The following PDE1C variants were observed in gnomAD, a reference collection of about 807,000 sequenced individuals.
PDE1C encodes the protein phosphodiesterase 1C.
A neutral mutation model predicts 93.1 loss-of-function variants in PDE1C; 62 were observed. The observed-to-expected ratio is 0.67, with a 90% CI of 0.54 to 0.82. The LOEUF (loss-of-function observed/expected upper bound fraction) is 0.82. Ranked by LOEUF, PDE1C falls within the 40% of genes least tolerant of loss-of-function variation. The pLI, the probability that PDE1C is intolerant of heterozygous loss-of-function variation, is 0.00. For synonymous variants in PDE1C, 325 were observed against 310.1 expected, an observed-to-expected ratio of 1.05 and a Z score of -0.50; for missense variants, 742 against 884.6, an observed-to-expected ratio of 0.84 and a Z score of 2.04.
At chr7:31,895,703 G>A (rs1443835308) in intron 2 of PDE1C, among the ~76,000 whole-genome samples, 3 of 151,578 alleles carry the variant, frequency 2.0e-5, no homozygotes, top group Admixed American at 6.6e-5. Flanking sequence ...GAGGGACCTC[G>A]CAAGAGGTAA....
intron 7 of PDE1C, among the ~76,000 whole-genome samples, chr7:31,863,543 T>G (rs1230587807): frequency 6.6e-6 from 1 of 152,224 alleles, no homozygotes; most frequent in Non-Finnish European, 1.5e-5. Flanking sequence ...AAATCTTTTA[T>G]TGAGTTAAAA....
intron 16 of PDE1C, among the ~76,000 whole-genome samples, chr7:31,776,176 G>A (rs554014827): frequency 1.3e-5 from 2 of 152,270 alleles, no homozygotes; most frequent in East Asian, 3.9e-4. Context: ...TGAGGGAATC[G>A]GGGGTTTTGT....
At chr7:32,421,971 C>T (rs1279538634) in intron 1 of PDE1C, among the ~76,000 whole-genome samples, 1 of 152,086 alleles carries the variant, frequency 6.6e-6, no homozygotes, top group East Asian at 1.9e-4. Context: ...CCAGTAACCG[C>T]CAGGAAAGAG....
chr7:31,680,723 G>T, the PDE1C span, among the ~76,000 whole-genome samples: 1 of 151,930 alleles, frequency 6.6e-6, no homozygotes, highest in South Asian at 2.1e-4. Flanking sequence ...GGACCTCATG[G>T]TCTGAGTCTC....
Position 31,976,749 on chromosome 7 carries a change from T to C in PDE1C, c.128+74805A>G, listed in dbSNP as rs141503759. On this transcript the variant is annotated intron_variant, in intron 2 of 17. Transcript: ENST00000396191. ...GCCCTTTAAAACATATATCGAATTA[T>C]ATCATGTGCCAAATCAACATGTTTC... Among the ~76,000 whole-genome samples the C allele has an allele frequency of 4.1e-3, 628 of 152,288 alleles. 3 individuals carry two copies. The highest frequency in any genetic ancestry group is 0.014 in the African/African-American group (583 of 41,546).
chr7:31,779,937 C>G (rs1442707642), intron 16 of PDE1C, among the ~76,000 whole-genome samples: 2 of 152,202 alleles, frequency 1.3e-5, no homozygotes, highest in East Asian at 3.9e-4. Context: ...CAGGTGGGAA[C>G]AGCCAGTCCT....
intron 9 of PDE1C, among the ~76,000 whole-genome samples, chr7:31,839,316 T>A (rs1030370902): frequency 1.1e-4 from 16 of 151,068 alleles, no homozygotes; most frequent in Admixed American, 3.3e-4. Flanking sequence ...ACATATTATT[T>A]TAAAATATAA....
intron 2 of PDE1C, among the ~76,000 whole-genome samples, chr7:31,964,603 G>C (rs1334312286): frequency 6.6e-6 from 1 of 152,220 alleles, no homozygotes; most frequent in Non-Finnish European, 1.5e-5. Flanking sequence ...GCTTTGAAGA[G>C]AGTAGTGGTT....
the PDE1C span, among the ~76,000 whole-genome samples, chr7:31,693,787 G>A: frequency 6.6e-6 from 1 of 152,156 alleles, no homozygotes. Flanking sequence ...AAGAAAGAGA[G>A]AAATTTACCT....
chr7:32,321,167 T>C (rs558886554), intron 1 of PDE1C, among the ~76,000 whole-genome samples: 1 of 152,286 alleles, frequency 6.6e-6, no homozygotes, highest in Admixed American at 6.5e-5. Flanking sequence ...TCAATAACTA[T>C]GCAGGTCCTT....
At chr7:31,775,934 C>A (rs140501653) in intron 16 of PDE1C, among the ~76,000 whole-genome samples, 1 of 152,090 alleles carries the variant, frequency 6.6e-6, no homozygotes, top group Non-Finnish European at 1.5e-5. Flanking sequence ...TGTGACAGTA[C>A]GCAGTTCCTC....
At position 31,940,960 on chromosome 7, in the gene PDE1C, C is replaced by T. The variant is rs546575214; in HGVS notation, c.129-60100G>A. 2.4e-4 allele frequency among the ~76,000 whole-genome samples: 36 copies of T among 152,066 alleles called. 1 individual carries two copies. In the South Asian group the frequency reaches 6.9e-3, roughly 29 times the overall value. On this transcript the variant is annotated intron_variant, in intron 2 of 17. Transcript: ENST00000396191. Reference sequence around the variant, plus strand: ...CCAAGTGTACACCTTCCAACTCACACCTCCACACACAAATAGGAAATCTAT... The same window carrying T: ...CCAAGTGTACACCTTCCAACTCACATCTCCACACACAAATAGGAAATCTAT...
intron 1 of PDE1C, among the ~76,000 whole-genome samples, chr7:32,221,712 C>T (rs1202296481): frequency 3.3e-5 from 5 of 150,120 alleles, no homozygotes; most frequent in Non-Finnish European, 7.4e-5. Flanking sequence ...ATTTAATGCT[C>T]AATTCTCTTG....
At chr7:31,735,493 A>T in the PDE1C span, among the ~76,000 whole-genome samples, 2 of 151,952 alleles carry the variant, frequency 1.3e-5, no homozygotes. Flanking sequence ...GCCTCATCAA[A>T]CCATACAGAA....
intron 2 of PDE1C, among the ~76,000 whole-genome samples, chr7:32,037,626 A>C (rs545235083): frequency 6.6e-6 from 1 of 152,300 alleles, no homozygotes; most frequent in East Asian, 1.9e-4. Context: ...GATGTAACTA[A>C]ATCTTTACAT....
chr7:31,908,356 T>G (rs1302809610), intron 2 of PDE1C, among the ~76,000 whole-genome samples: 1 of 152,160 alleles, frequency 6.6e-6, no homozygotes, highest in Non-Finnish European at 1.5e-5. Context: ...TTGAAGGTGG[T>G]GCCAAAGTTC....
Position 31,917,155 on chromosome 7 carries a change from A to G in PDE1C, c.129-36295T>C, listed in dbSNP as rs141496604. ...CACCCGCCTATAGGTAAATGGTCCC[A>G]ATCCTGACTCCATCCCAAATATCAC... On this transcript the variant is annotated intron_variant, in intron 2 of 17. Transcript: ENST00000396191. 2.6e-3 allele frequency among the ~76,000 whole-genome samples: 393 copies of G among 152,262 alleles called. 3 individuals carry two copies. Among genetic ancestry groups the G allele is most frequent in the African/African-American group, 8.9e-3 (368 of 41,570 alleles).
chr7:31,734,007 GAA>G, the PDE1C span, among the ~76,000 whole-genome samples: 28 of 150,726 alleles, frequency 1.9e-4, no homozygotes, highest in South Asian at 5.3e-3. Flanking sequence ...CTGTTTCAAA[GAA>G]AAAAAAAATG....
chr7:32,297,394 CTT>C (rs1812655776), intron 1 of PDE1C, among the ~76,000 whole-genome samples: 1 of 152,054 alleles, frequency 6.6e-6, no homozygotes, highest in Non-Finnish European at 1.5e-5. Context: ...TTTGGAAGTA[CTT>C]GAGTACTTCC....
Sources: allele counts gnomAD v4.1 joint callset (sites outside exome capture counted in the v4.1 genomes callset), GRCh38; gene constraint gnomAD v4.1.1; transcripts MANE v1.5; gene names NCBI Gene and HGNC (gene_info 2026-07-23, HGNC 2026-07-21).